CYFIP1: variants seen among roughly 807,000 people sequenced by gnomAD.
The protein encoded by CYFIP1 is cytoplasmic FMR1-interacting protein 1.
Under a neutral mutation model 163.5 loss-of-function variants are expected in CYFIP1, and 58 were observed. The ratio of observed to expected loss-of-function variants is 0.35; its 90% CI spans 0.29 to 0.44. The LOEUF (loss-of-function observed/expected upper bound fraction) is 0.44, where lower values mean the gene tolerates loss of function less well. Ranked by LOEUF, CYFIP1 falls within the 20% of genes least tolerant of loss-of-function variation. CYFIP1 has a pLI of 1.00. For synonymous variants in CYFIP1, 663 were observed against 660.7 expected (o/e 1.00, Z -0.05); for missense variants, 1,338 against 1,653.8 (o/e 0.81, Z 3.31).
rs764463799 is a variant in CYFIP1 at position 22,903,685 on chromosome 15, CTG to C, written c.2588+19_2588+20del. On this transcript the variant is annotated intron_variant, in intron 22 of 30. Transcript: ENST00000617928. ...CCCTGAGCGCCTCGCCTGTGGGCGCCTGTGTGGCGGGCACGCTCACCGGTTGG... is the reference window on the plus strand; with the variant it reads ...CCCTGAGCGCCTCGCCTGTGGGCGCCTGTGGCGGGCACGCTCACCGGTTGG... 1.7e-5 allele frequency: 28 copies of C among 1,613,068 alleles called. No individual in the cohort carries two copies. In the Admixed American group the frequency reaches 2.8e-4, roughly 16 times the overall value.
chr15:22,947,009 A>G lies in CYFIP1; in HGVS notation c.201T>C (p.Ser67=). Residue 67 remains serine (S), a synonymous_variant, in exon 3 of 31, where the codon TCT becomes TCC. Coordinates refer to ENST00000617928, the MANE Select transcript of CYFIP1 (RefSeq NM_014608.6). ...ARYIEQATVH[S]SMNEMLEEGQ... ...AGACACACCGCAACATTACCATGCT[A>G]GAGTGGACGGTGGCTTGTTCAATGT... The G allele has an allele frequency of 6.2e-7, 1 of 1,613,110 alleles. No individual in the cohort carries two copies. The highest frequency in any genetic ancestry group is 1.1e-5 in the South Asian group (1 of 91,080).
At chr15:22,899,033 T>C (rs1322470086) in intron 22 of CYFIP1, among the ~76,000 whole-genome samples, 1 of 151,768 alleles carries the variant, frequency 6.6e-6, no homozygotes, top group African/African-American at 2.4e-5. Context: ...AGACGAGGTC[T>C]CCTTATGTTG....
At chr15:22,972,394 G>A (rs1055190239) in intron 1 of CYFIP1, among the ~76,000 whole-genome samples, 16 of 152,028 alleles carry the variant, frequency 1.1e-4, no homozygotes, top group East Asian at 9.7e-4. Flanking sequence ...CCAAGATTGC[G>A]CCATTGCACT....
At chr15:22,888,950 C>T (rs1223867132) in intron 23 of CYFIP1, among the ~76,000 whole-genome samples, 5 of 151,252 alleles carry the variant, frequency 3.3e-5, no homozygotes, top group South Asian at 2.1e-4. Flanking sequence ...CTGAGGCACA[C>T]GAATCACTGG....
At chr15:22,933,984 C>T (rs1270685114) in intron 9 of CYFIP1, 91 bp from the exon 10 acceptor site, 1 of 861,888 alleles carries the variant, frequency 1.2e-6, no homozygotes, top group Non-Finnish European at 1.8e-6. Context: ...CTAATAATTA[C>T]TTCGGCTTGA....
rs546076289 is a variant in CYFIP1 at position 22,894,712 on chromosome 15, T to A, written c.2589-1735A>T. On this transcript the variant is annotated intron_variant, in intron 22 of 30. Coordinates refer to ENST00000617928, the MANE Select transcript of CYFIP1 (RefSeq NM_014608.6). ...TATTTTGTCTATGATATAACTCAGA[T>A]ACAGAACTGTTGAAGTAATGCAATT... 5.8e-3 allele frequency among the ~76,000 whole-genome samples: 873 copies of A among 151,710 alleles called. 3 individuals carry two copies. Among genetic ancestry groups the A allele is most frequent in the South Asian group, 0.026 (124 of 4,806 alleles).
intron 1 of CYFIP1, among the ~76,000 whole-genome samples, chr15:22,966,329 C>T (rs1015850664): frequency 1.3e-5 from 2 of 150,384 alleles, no homozygotes; most frequent in African/African-American, 4.9e-5. Context: ...GCCCAGATCA[C>T]GCCACTGCAC....
chr15:22,915,505 CT>C (rs1405426930), intron 16 of CYFIP1, among the ~76,000 whole-genome samples: 1 of 151,856 alleles, frequency 6.6e-6, no homozygotes, highest in East Asian at 1.9e-4. Context: ...AATCCTAGCA[CT>C]TTGGGAGGCC....
Position 22,874,542 on chromosome 15 carries a change from C to T in CYFIP1, c.3210+8G>A. 6.3e-7 allele frequency: 1 copy of T among 1,590,324 alleles called. No individual in the cohort carries two copies. ...TGCAACAGCCACAGCCATCACGGTACACGTTACCTGAGGGGTCCCCAGTCT... is the reference window on the plus strand; with the variant it reads ...TGCAACAGCCACAGCCATCACGGTATACGTTACCTGAGGGGTCCCCAGTCT... On this transcript the variant is annotated splice_region_variant and intron_variant, in intron 28 of 30. Transcript: ENST00000617928.
At chr15:22,927,208 G>A (rs540595634) in intron 12 of CYFIP1, among the ~76,000 whole-genome samples, 26 of 151,912 alleles carry the variant, frequency 1.7e-4, no homozygotes, top group African/African-American at 2.7e-4. Flanking sequence ...GGCCAGGTGC[G>A]GTGGCTCAAG....
intron 1 of CYFIP1, among the ~76,000 whole-genome samples, chr15:22,973,612 T>C (rs1297580434): frequency 2.6e-5 from 4 of 151,922 alleles, no homozygotes; most frequent in Non-Finnish European, 5.9e-5. Flanking sequence ...AGATTCCACA[T>C]GTGAGTGAGA....
At chr15:22,889,631 A>AC (rs1339451237) in intron 23 of CYFIP1, among the ~76,000 whole-genome samples, 1 of 151,762 alleles carries the variant, frequency 6.6e-6, no homozygotes, top group African/African-American at 2.4e-5. Flanking sequence ...TCGCCTGCCT[A>AC]CCCCCCGCCT....
intron 25 of CYFIP1, among the ~76,000 whole-genome samples, chr15:22,880,867 C>T (rs2059741950): frequency 6.6e-6 from 1 of 152,190 alleles, no homozygotes; most frequent in Admixed American, 6.5e-5. Flanking sequence ...GACGCTCATG[C>T]ACCTGTGTCA....
intron 1 of CYFIP1, among the ~76,000 whole-genome samples, chr15:22,977,199 CA>C (rs919659835): frequency 1.2e-3 from 168 of 136,138 alleles, no homozygotes; most frequent in Middle Eastern, 3.6e-3. Flanking sequence ...AACTCTGTCT[CA>C]AAAAAAAAAA....
chr15:22,875,303 A>G (rs1290994928), intron 26 of CYFIP1, 32 bp from the exon 27 acceptor site: 3 of 1,599,974 alleles, frequency 1.9e-6, no homozygotes, highest in Non-Finnish European at 1.7e-6. Flanking sequence ...TCAAGCTAGG[A>G]AGGGTATCTC....
intron 23 of CYFIP1, among the ~76,000 whole-genome samples, chr15:22,888,419 C>T (rs2059982486): frequency 6.6e-6 from 1 of 152,120 alleles, no homozygotes; most frequent in Admixed American, 6.6e-5. Flanking sequence ...TTGTATATGT[C>T]TAAATAATCT....
chr15:22,939,621 G>T, intron 6 of CYFIP1, 114 bp from the exon 7 acceptor site: 2 of 849,944 alleles, frequency 2.4e-6, no homozygotes, highest in Non-Finnish European at 3.5e-6. Context: ...ACAGTCATCT[G>T]CAGAAATGTG....
At chr15:22,926,433 A>AG (rs1188033449) in intron 12 of CYFIP1, among the ~76,000 whole-genome samples, 1 of 152,170 alleles carries the variant, frequency 6.6e-6, no homozygotes, top group African/African-American at 2.4e-5. Context: ...AGCACTTGGG[A>AG]GGTTGAGGCA....
At chr15:22,956,809 C>T (rs1167149060) in intron 1 of CYFIP1, among the ~76,000 whole-genome samples, 2 of 152,244 alleles carry the variant, frequency 1.3e-5, no homozygotes, top group Admixed American at 6.5e-5. Context: ...AGAATGGTGG[C>T]TGCACACACA....
Sources: gnomAD v4.1 joint callset for allele counts (sites outside exome capture counted in the v4.1 genomes callset) on GRCh38, gnomAD v4.1.1 for gene constraint, MANE v1.5 for transcripts, NCBI Gene and HGNC (gene_info 2026-07-23, HGNC 2026-07-21) for gene names.